The following KIF13A variants were observed in gnomAD, a reference collection of about 807,000 sequenced individuals.
KIF13A encodes the protein kinesin family member 13A, also known as kinesin-like protein KIF13A.
In KIF13A, 79 loss-of-function variants were observed where a neutral mutation model predicts 212.2. The ratio of observed to expected loss-of-function variants is 0.37; its 90% CI spans 0.31 to 0.45. KIF13A has a LOEUF of 0.45. Among genes scored for constraint, KIF13A ranks in the 20% least tolerant of loss-of-function variants. The probability of loss-of-function intolerance (pLI) is 1.00; values close to 1 mark genes in which losing one functional copy is unlikely to be tolerated. For synonymous variants in KIF13A, 789 were observed against 808.6 expected, an observed-to-expected ratio of 0.98 and a Z score of 0.41; for missense variants, 1,901 against 2,209.0, an observed-to-expected ratio of 0.86 and a Z score of 2.79.
intron 25 of KIF13A, among the ~76,000 whole-genome samples, chr6:17,791,613 AAC>A (rs986118383): frequency 6.6e-6 from 1 of 152,140 alleles, no homozygotes; most frequent in African/African-American, 2.4e-5. Flanking sequence ...AAAAAATGTG[AAC>A]AGTTGCTGGG....
intron 9 of KIF13A, among the ~76,000 whole-genome samples, chr6:17,847,219 C>A (rs1767154395): frequency 6.6e-6 from 1 of 152,204 alleles, no homozygotes; most frequent in Admixed American, 6.5e-5. Context: ...GCAAATGAAT[C>A]TCCACGAGGC....
Position 17,779,609 on chromosome 6 carries a change from C to A in KIF13A, c.3922G>T (p.Val1308Leu). The A allele has an allele frequency of 6.9e-7, 1 of 1,446,024 alleles. No individual in the cohort carries two copies. Among genetic ancestry groups the A allele is most frequent in the Non-Finnish European group, 9.6e-7 (1 of 1,040,046 alleles). The allele number at this position is 1,446,024 out of a possible 1,614,324, so 89.6% of individuals were successfully genotyped here. The change falls in exon 32 of 39, where the codon GTA becomes TTA. Residue 1308 changes from valine (V) to leucine (L), a missense_variant. Val to Leu is a conservative substitution (Grantham distance 32). This residue lies in a region of KIF13A where 687 missense variants were observed against 759.1 expected (regional missense o/e 0.90). Transcript: ENST00000259711. ...FYSCGVTYEI[V>L]SNIPKATEEI... ...TATTTTACCTTTGGTATATTGGATA[C>A]TATTTCATAGGTTACACCACAGGAA... is the stretch of plus-strand genomic sequence containing the variant.
chr6:17,855,428 C>T lies in KIF13A; in HGVS notation c.494+9G>A. On this transcript the variant is annotated intron_variant, in intron 6 of 38. Transcript: ENST00000259711. This position sits in a 1 kb window ranked among gnomAD's most constrained non-coding sequence, Gnocchi z 4.1. ...CTATTAACACACTTAATCTTGACCA[C>T]TAACTTACCCTTTGGGGTCTAAAAG... 5 of 1,595,672 alleles carry T rather than the reference C, an allele frequency of 3.1e-6. No homozygotes were observed. Among genetic ancestry groups the T allele is most frequent in the Non-Finnish European group, 4.3e-6 (5 of 1,171,254 alleles).
At chr6:17,775,844 A>G (rs1342256643) in intron 34 of KIF13A, among the ~76,000 whole-genome samples, 2 of 152,088 alleles carry the variant, frequency 1.3e-5, no homozygotes, top group African/African-American at 4.8e-5. Context: ...GAGGTTGAAA[A>G]AAATATTTTT....
At chr6:17,824,419 A>T (rs186169139) in intron 16 of KIF13A, among the ~76,000 whole-genome samples, 164 of 152,288 alleles carry the variant, frequency 1.1e-3, no homozygotes, top group African/African-American at 3.8e-3. Flanking sequence ...AGGCTCAAAG[A>T]GTAAAGTGAG....
Position 17,800,051 on chromosome 6 carries a change from C to T in KIF13A, c.2517G>A (p.Val839=). The T allele has an allele frequency of 1.2e-6, 2 of 1,613,994 alleles. No individual in the cohort carries two copies. Among genetic ancestry groups the T allele is most frequent in the Non-Finnish European group, 1.7e-6 (2 of 1,179,884 alleles). The stretch of plus-strand genomic sequence containing the variant: ...TGGAATTCTCCGAAGAGTCATCCTC[C>T]ACCACACGCTCTGGAACAGCTCCTG... The part of the protein sequence containing the change: ...RVTGAVPERV[V]EDDSSENSSE... The change falls in exon 21 of 39, where the codon GTG becomes GTA. Residue 839 remains valine (V), a synonymous_variant. Transcript: ENST00000259711.
rs1458951553 is a variant in KIF13A, at chr6:17,839,224, T to C, written c.831-1641A>G. Among the ~76,000 whole-genome samples, 1 of 152,186 alleles carries C rather than the reference T, an allele frequency of 6.6e-6. No individual in the cohort carries two copies. Among genetic ancestry groups the C allele is most frequent in the Non-Finnish European group, 1.5e-5 (1 of 68,042 alleles). On this transcript the variant is annotated intron_variant, in intron 9 of 38. Transcript: ENST00000259711. The surrounding 1 kb of genome is among the most constrained non-coding windows in gnomAD (Gnocchi z 4.3). ...TGCACAATCTGTGCCTGTAACAAAA[T>C]TGCACTTGTACCCCATACATTTATC... is the stretch of plus-strand genomic sequence containing the variant.
chr6:17,931,646 TG>T (rs1458465647), intron 2 of KIF13A, among the ~76,000 whole-genome samples: 3 of 152,168 alleles, frequency 2.0e-5, no homozygotes, highest in African/African-American at 4.8e-5. Context: ...TCAGCCTCCC[TG>T]GTAAGTGGGA....
chr6:17,842,035 A>G (rs28375576), intron 9 of KIF13A, among the ~76,000 whole-genome samples: 5 of 137,060 alleles, frequency 3.6e-5, no homozygotes, highest in Non-Finnish European at 6.4e-5. Flanking sequence ...GTGTGTGTGT[A>G]TACACTTATA....
intron 28 of KIF13A, among the ~76,000 whole-genome samples, chr6:17,784,525 TA>T (rs1333324692): frequency 2.6e-5 from 4 of 152,108 alleles, no homozygotes; most frequent in African/African-American, 9.7e-5. Context: ...AATTCTTATT[TA>T]AAAAAATAAA....
intron 2 of KIF13A, among the ~76,000 whole-genome samples, chr6:17,976,088 C>CT (rs1780422974): frequency 6.6e-6 from 1 of 152,246 alleles, no homozygotes; most frequent in South Asian, 2.1e-4. Context: ...AGACATAAAG[C>CT]TTCTCCACAT....
intron 38 of KIF13A, among the ~76,000 whole-genome samples, chr6:17,766,520 G>A (rs944479539): frequency 1.3e-5 from 2 of 152,078 alleles, no homozygotes; most frequent in Non-Finnish European, 2.9e-5. Context: ...TTACAGGCAT[G>A]AGACACCGTG....
chr6:17,774,773 CAAA>C (rs111818221), intron 35 of KIF13A, among the ~76,000 whole-genome samples: 3 of 103,566 alleles, frequency 2.9e-5, no homozygotes, highest in Non-Finnish European at 4.2e-5. Context: ...AACTCTGTCT[CAAA>C]AAAAAAAAAA....
Position 17,984,984 on chromosome 6 carries a change from T to C in KIF13A, c.146+2070A>G, listed in dbSNP as rs982952146. ...GCACTGTTACTTTAAGGGAAAAGTC[T>C]GTGGAGAAATATGAAACCAAGCTGC... On this transcript the variant is annotated intron_variant, in intron 2 of 38. Transcript: ENST00000259711. This position sits in a 1 kb window ranked among gnomAD's most constrained non-coding sequence, Gnocchi z 5.0. 6.6e-6 allele frequency among the ~76,000 whole-genome samples: 1 copy of C among 152,250 alleles called. No homozygotes were observed. The highest frequency in any genetic ancestry group is 1.5e-5 in the Non-Finnish European group (1 of 68,044).
chr6:17,975,403 G>C (rs80243684), intron 2 of KIF13A, among the ~76,000 whole-genome samples: 1 of 152,144 alleles, frequency 6.6e-6, no homozygotes, highest in East Asian at 1.9e-4. Context: ...TGGCGCGTCT[G>C]GAGTTTTTTC....
At chr6:17,867,067 A>G (rs1769476588) in intron 4 of KIF13A, among the ~76,000 whole-genome samples, 1 of 151,746 alleles carries the variant, frequency 6.6e-6, no homozygotes. Context: ...CTGGGAGGCT[A>G]CTCTCTGGAC....
intron 2 of KIF13A, among the ~76,000 whole-genome samples, chr6:17,959,842 G>A (rs1421651278): frequency 1.3e-5 from 2 of 152,162 alleles, no homozygotes; most frequent in African/African-American, 4.8e-5. Context: ...TGACCAACAT[G>A]GAGAAACCTC....
intron 2 of KIF13A, among the ~76,000 whole-genome samples, chr6:17,923,765 A>G (rs1169846656): frequency 6.6e-6 from 1 of 152,222 alleles, no homozygotes; most frequent in Non-Finnish European, 1.5e-5. Flanking sequence ...AATTTCCTCT[A>G]AGTCTTCAAT....
In KIF13A at chr6:17,764,351, G is replaced by T; in HGVS notation, c.5177C>A (p.Thr1726Asn). The T allele has an allele frequency of 1.3e-5, 21 of 1,613,968 alleles. No individual in the cohort carries two copies. Among genetic ancestry groups the T allele is most frequent in the Non-Finnish European group, 1.8e-5 (21 of 1,179,896 alleles). Residue 1726 changes from threonine (T) to asparagine (N), a missense_variant, in exon 39 of 39, where the codon ACC (threonine) becomes AAC (asparagine). By Grantham distance (65) the Thr-to-Asn change is moderately conservative. This residue lies in a region of KIF13A where 687 missense variants were observed against 759.1 expected (regional missense o/e 0.90). Transcript: ENST00000259711. The surrounding 1 kb of genome is among the most constrained non-coding windows in gnomAD (Gnocchi z 5.1). The part of the protein sequence containing the change: ...FCPREVTVEH[T>N]TNILEDHSFT... The stretch of plus-strand genomic sequence containing the variant: ...AGAATGGTCTTCAAGGATGTTGGTG[G>T]TGTGTTCTACCGTCACCTCCCTGGG...
Sources: allele counts gnomAD v4.1 joint callset (sites outside exome capture counted in the v4.1 genomes callset), GRCh38; gene constraint gnomAD v4.1.1; regional missense constraint gnomAD v4.1.1; non-coding constraint Gnocchi (gnomAD v3.1); transcripts MANE v1.5; gene names NCBI Gene and HGNC (gene_info 2026-07-23, HGNC 2026-07-21).